Variants in DPP6 observed in about 807,000 individuals in gnomAD.
DPP6 encodes A-type potassium channel modulatory protein DPP6.
In DPP6, 69 loss-of-function variants were observed where a neutral mutation model predicts 122.6. The observed-to-expected ratio is 0.56, with a 90% CI of 0.46 to 0.69. The LOEUF is 0.69. Among genes scored for constraint, DPP6 ranks in the 30% least tolerant of loss-of-function variants. DPP6 has a pLI of 0.00. For synonymous variants in DPP6, 418 were observed against 433.1 expected, an observed-to-expected ratio of 0.97 and a Z score of 0.43; for missense variants, 928 against 1,116.9, an observed-to-expected ratio of 0.83 and a Z score of 2.41.
rs762078197 is a variant in DPP6, at chr7:154,875,874, C to G, written c.1884-32C>G. 6.3e-7 allele frequency: 1 copy of G among 1,585,646 alleles called. No homozygotes were observed. The highest frequency in any genetic ancestry group is 1.1e-5 in the South Asian group (1 of 87,494). On this transcript the variant is annotated intron_variant, in intron 19 of 25. Coordinates refer to ENST00000377770, the MANE Select transcript of DPP6 (RefSeq NM_130797.4). This position sits in a 1 kb window ranked among gnomAD's most constrained non-coding sequence, Gnocchi z 4.5. ...AGACCAGCCGCCACCCACCACGCAG[C>G]AGGCCTGCTGAGCCCGGGATTCTCT...
chr7:154,475,241 C>T, intron 3 of DPP6: 2 of 543,572 alleles, frequency 3.7e-6, no homozygotes, highest in Non-Finnish European at 6.8e-6. Context: ...AATGGTGTTG[C>T]CTCCCGAGCA....
At chr7:154,041,990 C>A (rs531687810) in intron 1 of DPP6, among the ~76,000 whole-genome samples, 21 of 152,298 alleles carry the variant, frequency 1.4e-4, no homozygotes, top group African/African-American at 4.3e-4. Context: ...ATTTCCCGAC[C>A]TCGTGATCCG....
At chr7:153,932,201 A>T (rs1280464677) in intron 1 of DPP6, among the ~76,000 whole-genome samples, 1 of 148,244 alleles carries the variant, frequency 6.7e-6, no homozygotes, top group Non-Finnish European at 1.5e-5. Context: ...GCTCACCACA[A>T]CCTCCACCTC....
chr7:153,899,121 T>TCTC (rs769272870), intron 1 of DPP6, among the ~76,000 whole-genome samples: 10 of 151,636 alleles, frequency 6.6e-5, no homozygotes, highest in South Asian at 4.2e-4. Context: ...CTTCACTCTC[T>TCTC]CTCCTCCTCC....
At chr7:154,308,294 T>G (rs1806542629) in intron 1 of DPP6, among the ~76,000 whole-genome samples, 1 of 133,676 alleles carries the variant, frequency 7.5e-6, no homozygotes, top group Non-Finnish European at 1.6e-5. Context: ...AGATTGTTGT[T>G]TTTTTTCTAC....
intron 1 of DPP6, among the ~76,000 whole-genome samples, chr7:153,975,856 C>T (rs908472804): frequency 2.0e-5 from 3 of 152,184 alleles, no homozygotes; most frequent in African/African-American, 4.8e-5. Context: ...AATGTGAGGT[C>T]GGAGGCAACT....
At chr7:154,853,869 G>A (rs1227560542) in intron 17 of DPP6, 42 bp downstream of exon 17, 2 of 1,610,130 alleles carry the variant, frequency 1.2e-6, no homozygotes, top group East Asian at 2.2e-5. Flanking sequence ...TGAGACTCAG[G>A]AGAAAGGAAG....
chr7:153,808,287 C>CTG, the DPP6 span, among the ~76,000 whole-genome samples: 33 of 143,246 alleles, frequency 2.3e-4, 1 homozygote, highest in African/African-American at 7.6e-4. Flanking sequence ...ACGTGTGTGC[C>CTG]TGTGTGTGTG....
intron 1 of DPP6, among the ~76,000 whole-genome samples, chr7:153,982,836 C>A (rs1271607198): frequency 1.3e-5 from 2 of 152,176 alleles, no homozygotes; most frequent in African/African-American, 2.4e-5. Flanking sequence ...TGCTGGAGGT[C>A]CACTCCAGAC....
intron 1 of DPP6, among the ~76,000 whole-genome samples, chr7:154,169,250 T>C (rs564157352): frequency 6.6e-6 from 1 of 152,202 alleles, no homozygotes; most frequent in East Asian, 1.9e-4. Flanking sequence ...TAGAGTCTTA[T>C]GCCCATCCTT....
intron 1 of DPP6, among the ~76,000 whole-genome samples, chr7:154,008,375 T>C (rs1272678466): frequency 6.6e-6 from 1 of 152,264 alleles, no homozygotes; most frequent in Non-Finnish European, 1.5e-5. Context: ...AGTGTACTTT[T>C]TCCACTACAA....
chr7:154,871,350 C>T (rs575146083), intron 18 of DPP6, among the ~76,000 whole-genome samples: 1 of 152,314 alleles, frequency 6.6e-6, no homozygotes, highest in Admixed American at 6.5e-5. Flanking sequence ...TGTGGGGCAC[C>T]TGTATGAGCC....
chr7:154,544,496 C>T (rs1452676910), intron 4 of DPP6, among the ~76,000 whole-genome samples: 1 of 152,136 alleles, frequency 6.6e-6, no homozygotes, highest in Non-Finnish European at 1.5e-5. Context: ...GTAGATGCTC[C>T]ACTGCTATGT....
chr7:154,797,822 T>C (rs1479161813), intron 12 of DPP6, among the ~76,000 whole-genome samples: 1 of 152,206 alleles, frequency 6.6e-6, no homozygotes, highest in African/African-American at 2.4e-5. Flanking sequence ...TTTTAAAAAA[T>C]TAATAAGCTA....
At chr7:154,197,231 G>C (rs1429475732) in intron 1 of DPP6, among the ~76,000 whole-genome samples, 4 of 151,658 alleles carry the variant, frequency 2.6e-5, no homozygotes, top group South Asian at 2.1e-4. Context: ...TGAAGGTCAA[G>C]CAGAAGATAT....
At chr7:153,839,349 G>A in the DPP6 span, among the ~76,000 whole-genome samples, 5 of 152,166 alleles carry the variant, frequency 3.3e-5, no homozygotes, top group African/African-American at 1.2e-4. Flanking sequence ...TGGTCCCTTC[G>A]AGGTTTCACA....
At chr7:154,781,641 T>C (rs139084021) in intron 10 of DPP6, among the ~76,000 whole-genome samples, 83 of 152,352 alleles carry the variant, frequency 5.4e-4, no homozygotes, top group African/African-American at 1.9e-3. Context: ...GCTTGGTATT[T>C]AGGGTCGTTT....
chr7:153,905,614 A>C (rs1799817124), intron 1 of DPP6, among the ~76,000 whole-genome samples: 1 of 145,036 alleles, frequency 6.9e-6, no homozygotes, highest in African/African-American at 2.4e-5. Context: ...ATGAGTATGT[A>C]TTGGCAATTT....
intron 6 of DPP6, among the ~76,000 whole-genome samples, chr7:154,658,658 G>T (rs1204247350): frequency 6.6e-6 from 1 of 152,240 alleles, no homozygotes; most frequent in Non-Finnish European, 1.5e-5. Flanking sequence ...GAGGGAGTGG[G>T]TGTGGGAGGG....
Sources: allele counts gnomAD v4.1 joint callset (sites outside exome capture counted in the v4.1 genomes callset), GRCh38; gene constraint gnomAD v4.1.1; non-coding constraint Gnocchi (gnomAD v3.1); transcripts MANE v1.5; gene names NCBI Gene and HGNC (gene_info 2026-07-23, HGNC 2026-07-21).